The following PDE3A variants were observed in gnomAD, a reference collection of about 807,000 sequenced individuals.
The protein encoded by PDE3A is phosphodiesterase 3A, also known as cGMP-inhibited 3',5'-cyclic phosphodiesterase 3A.
PDE3A carries 43 observed loss-of-function variants against 98.3 expected under a neutral mutation model. The ratio of observed to expected loss-of-function variants is 0.44; its 90% confidence interval spans 0.34 to 0.56. The LOEUF is 0.56. Among genes scored for constraint, PDE3A ranks in the 20% least tolerant of loss-of-function variants. PDE3A has a pLI of 0.01. For missense variants in PDE3A, 1,427 were observed against 1,440.7 expected (o/e 0.99, Z 0.15); for synonymous variants, 663 against 567.9 (o/e 1.17, Z -2.38).
chr12:20,492,645 T>C (rs900330893), intron 1 of PDE3A, among the ~76,000 whole-genome samples: 3 of 152,142 alleles, frequency 2.0e-5, no homozygotes, highest in African/African-American at 7.2e-5. Context: ...GAACAGGAGC[T>C]GTGGCTATGG....
At chr12:20,525,774 C>A (rs1481309324) in intron 1 of PDE3A, among the ~76,000 whole-genome samples, 1 of 151,968 alleles carries the variant, frequency 6.6e-6, no homozygotes, top group Non-Finnish European at 1.5e-5. Context: ...CTAAAGAGTA[C>A]TTCTAAAAGT....
intron 1 of PDE3A, among the ~76,000 whole-genome samples, chr12:20,535,345 G>A (rs142213845): frequency 2.0e-5 from 3 of 152,174 alleles, no homozygotes; most frequent in South Asian, 4.1e-4. Flanking sequence ...CATTGTTTCC[G>A]TATTTGTGAA....
intron 15 of PDE3A, among the ~76,000 whole-genome samples, chr12:20,667,540 C>T (rs931615134): frequency 1.3e-5 from 2 of 152,160 alleles, no homozygotes; most frequent in African/African-American, 2.4e-5. Flanking sequence ...GTCCTTTCTT[C>T]AATATATGTT....
intron 1 of PDE3A, among the ~76,000 whole-genome samples, chr12:20,390,726 A>G (rs1314492219): frequency 2.0e-5 from 3 of 151,886 alleles, no homozygotes; most frequent in East Asian, 1.9e-4. Flanking sequence ...AAGCTGCTCA[A>G]TTTTCTTAGT....
Position 20,454,074 on chromosome 12 carries a change from A to C in PDE3A, c.960+83830A>C, listed in dbSNP as rs191118074. On this transcript the variant is annotated intron_variant, in intron 1 of 15. Transcript: ENST00000359062. ...CAGCTATAGACAGCAAACACATGGA[A>C]GGGAAGCTCAGCCGTCATCTGTCTC... Among the ~76,000 whole-genome samples the C allele has an allele frequency of 7.9e-5, 12 of 151,156 alleles. No homozygotes were observed. In the East Asian group the frequency reaches 2.4e-3, roughly 30 times the overall value.
chr12:20,547,786 C>T lies in PDE3A; in HGVS notation c.961-8874C>T, dbSNP rs1220289854. On this transcript the variant is annotated intron_variant, in intron 1 of 15. Transcript: ENST00000359062. The stretch of plus-strand genomic sequence containing the variant: ...GCCCCTAAAAAGGCGTTCATTTTTA[C>T]GTAAACAAACAACAGGAGAAAAACA... Among the ~76,000 whole-genome samples the T allele has an allele frequency of 4.6e-5, 7 of 151,812 alleles. No individual in the cohort carries two copies. The South Asian group carries it at 6.2e-4, about 14-fold the overall frequency.
At chr12:20,422,094 C>A (rs991544707) in intron 1 of PDE3A, among the ~76,000 whole-genome samples, 2 of 152,166 alleles carry the variant, frequency 1.3e-5, no homozygotes, top group African/African-American at 2.4e-5. Flanking sequence ...CGCCTGTAAT[C>A]CTAGCACTTT....
intron 2 of PDE3A, among the ~76,000 whole-genome samples, chr12:20,583,753 C>T (rs368980986): frequency 2.6e-5 from 4 of 152,038 alleles, no homozygotes; most frequent in African/African-American, 7.3e-5. Flanking sequence ...TTTACTGTTA[C>T]TAATTGGCTT....
chr12:20,686,084 A>T lies in PDE3A; in HGVS notation c.*5813A>T, dbSNP rs914209513. Reference sequence around the variant, plus strand: ...TTATTTTCATATACTCAGAGGCTGAATATTTTGATATAATAAGAACTAGTA... The same window carrying T: ...TTATTTTCATATACTCAGAGGCTGATTATTTTGATATAATAAGAACTAGTA... On this transcript the variant is annotated 3_prime_UTR_variant, in exon 16 of 16. Coordinates refer to ENST00000359062, the MANE Select transcript of PDE3A (RefSeq NM_000921.5). Among the ~76,000 whole-genome samples the T allele has an allele frequency of 8.5e-5, 13 of 152,204 alleles. No homozygotes were observed. The highest frequency in any genetic ancestry group is 2.7e-4 in the African/African-American group (11 of 41,466).
intron 1 of PDE3A, among the ~76,000 whole-genome samples, chr12:20,411,037 AC>A (rs1944324197): frequency 6.6e-6 from 1 of 152,008 alleles, no homozygotes; most frequent in Non-Finnish European, 1.5e-5. Context: ...AGCACCATTT[AC>A]CCCATCTTCT....
At chr12:20,610,350 C>T (rs972543648) in intron 2 of PDE3A, among the ~76,000 whole-genome samples, 5 of 151,980 alleles carry the variant, frequency 3.3e-5, no homozygotes, top group African/African-American at 1.2e-4. Context: ...TATAAGATAT[C>T]ACTTCACTCC....
intron 1 of PDE3A, among the ~76,000 whole-genome samples, chr12:20,382,637 A>T (rs923743363): frequency 5.9e-4 from 90 of 152,074 alleles, no homozygotes; most frequent in African/African-American, 2.1e-3. Flanking sequence ...CACTCTCTAG[A>T]CTGTCACAGA....
intron 15 of PDE3A, among the ~76,000 whole-genome samples, chr12:20,654,412 A>T (rs951066300): frequency 6.6e-6 from 1 of 152,204 alleles, no homozygotes; most frequent in Admixed American, 6.5e-5. Flanking sequence ...TGATACAAAG[A>T]TATCTTCTCC....
At chr12:20,453,133 A>G (rs1276916817) in intron 1 of PDE3A, among the ~76,000 whole-genome samples, 1 of 145,718 alleles carries the variant, frequency 6.9e-6, no homozygotes, top group Non-Finnish European at 1.5e-5. Context: ...TGTTTCCCAG[A>G]TTTGTGATTG....
intron 1 of PDE3A, among the ~76,000 whole-genome samples, chr12:20,393,181 A>G (rs1257397608): frequency 6.6e-6 from 1 of 151,982 alleles, no homozygotes; most frequent in East Asian, 1.9e-4. Flanking sequence ...CATACCTGAA[A>G]CTGAGCAATT....
At chr12:20,445,964 C>T (rs1944946265) in intron 1 of PDE3A, among the ~76,000 whole-genome samples, 1 of 152,072 alleles carries the variant, frequency 6.6e-6, no homozygotes, top group African/African-American at 2.4e-5. Context: ...ACCTCAGAGC[C>T]GTGCCTTTGA....
At chr12:20,492,412 AT>A (rs869268971) in intron 1 of PDE3A, among the ~76,000 whole-genome samples, 2 of 10,748 alleles carry the variant, frequency 1.9e-4, no homozygotes, top group Non-Finnish European at 4.8e-4. Context: ...CCTGTCTGCT[AT>A]ATGTATGAGT....
intron 1 of PDE3A, among the ~76,000 whole-genome samples, chr12:20,535,331 A>G (rs1592029832): frequency 6.6e-6 from 1 of 152,154 alleles, no homozygotes; most frequent in Non-Finnish European, 1.5e-5. Flanking sequence ...CTTAGGGAAG[A>G]ATTCATTGTT....
At chr12:20,400,223 C>T (rs1381051086) in intron 1 of PDE3A, among the ~76,000 whole-genome samples, 1 of 151,842 alleles carries the variant, frequency 6.6e-6, no homozygotes, top group Non-Finnish European at 1.5e-5. Flanking sequence ...TTTAAAAGTA[C>T]GGAGCTGCTT....
Sources: gnomAD v4.1 joint callset for allele counts (sites outside exome capture counted in the v4.1 genomes callset) on GRCh38, gnomAD v4.1.1 for gene constraint, MANE v1.5 for transcripts, NCBI Gene and HGNC (gene_info 2026-07-23, HGNC 2026-07-21) for gene names.